The following SERGEF variants were observed in gnomAD, a reference collection of about 807,000 sequenced individuals.
The protein encoded by SERGEF is secretion regulating guanine nucleotide exchange factor.
Under a neutral mutation model 50.0 loss-of-function variants are expected in SERGEF, and 51 were observed. That is an observed-to-expected ratio of 1.02 (90% CI 0.81 to 1.29). SERGEF has a LOEUF of 1.29. SERGEF is among the 50% of genes most tolerant of loss of function. The pLI, the probability that SERGEF is intolerant of heterozygous loss-of-function variation, is 0.00. For missense variants in SERGEF, 521 were observed against 557.0 expected, an observed-to-expected ratio of 0.94 and a Z score of 0.65; for synonymous variants, 205 against 212.4, an observed-to-expected ratio of 0.97 and a Z score of 0.30.
At chr11:17,994,560 T>G (rs1056291437) in intron 6 of SERGEF, among the ~76,000 whole-genome samples, 2 of 151,366 alleles carry the variant, frequency 1.3e-5, no homozygotes, top group Non-Finnish European at 2.9e-5. Context: ...GAGGTAACAG[T>G]TTTCCCATAA....
intron 10 of SERGEF, among the ~76,000 whole-genome samples, chr11:17,792,899 T>C (rs1190309982): frequency 6.6e-6 from 1 of 152,186 alleles, no homozygotes; most frequent in Non-Finnish European, 1.5e-5. Flanking sequence ...TTCTTTTTGA[T>C]AACCCTTTAA....
chr11:17,997,702 A>G (rs1001746422), intron 5 of SERGEF, among the ~76,000 whole-genome samples: 10 of 152,260 alleles, frequency 6.6e-5, no homozygotes, highest in Non-Finnish European at 1.3e-4. Flanking sequence ...TTTAAAAAGT[A>G]TCTAAACGCC....
chr11:17,873,515 G>A (rs1020685998), intron 10 of SERGEF, among the ~76,000 whole-genome samples: 1 of 152,112 alleles, frequency 6.6e-6, no homozygotes, highest in Non-Finnish European at 1.5e-5. Flanking sequence ...ACATGAAATT[G>A]CTTGATGGTT....
At chr11:17,862,867 C>T (rs375377823) in intron 10 of SERGEF, among the ~76,000 whole-genome samples, 3 of 152,316 alleles carry the variant, frequency 2.0e-5, no homozygotes, top group South Asian at 4.2e-4. Context: ...AGTTGCTATG[C>T]TATGGTAGAT....
intron 10 of SERGEF, among the ~76,000 whole-genome samples, chr11:17,860,096 G>A (rs979265552): frequency 3.9e-5 from 6 of 152,202 alleles, no homozygotes; most frequent in Non-Finnish European, 5.9e-5. Flanking sequence ...AGAGTGGCAT[G>A]TGGTGAAAGT....
intron 9 of SERGEF, among the ~76,000 whole-genome samples, chr11:17,928,252 C>T (rs1439312858): frequency 1.3e-5 from 2 of 152,138 alleles, no homozygotes. Context: ...TCCTCACCTA[C>T]AGAACTTCAG....
chr11:17,866,189 G>C (rs1326855597), intron 10 of SERGEF, among the ~76,000 whole-genome samples: 1 of 152,208 alleles, frequency 6.6e-6, no homozygotes, highest in South Asian at 2.1e-4. Context: ...GCACAAGCTA[G>C]ACTTGAGTGC....
At chr11:17,813,965 C>CA (rs1849918843) in intron 10 of SERGEF, among the ~76,000 whole-genome samples, 1 of 152,212 alleles carries the variant, frequency 6.6e-6, no homozygotes, top group Non-Finnish European at 1.5e-5. Context: ...AAGGGACACA[C>CA]AGACCCCACT....
intron 10 of SERGEF, among the ~76,000 whole-genome samples, chr11:17,804,428 G>A (rs1565171942): frequency 1.3e-5 from 2 of 152,146 alleles, no homozygotes; most frequent in African/African-American, 4.8e-5. Context: ...CCATAGTTTG[G>A]GAACCACTGG....
At position 17,830,685 on chromosome 11, in the gene SERGEF, A is replaced by AGAGAGAGAGAGAGAGC. The variant is rs540825238; in HGVS notation, c.1049-42273_1049-42272insGCTCTCTCTCTCTCTC. On this transcript the variant is annotated intron_variant, in intron 10 of 10. Transcript: ENST00000265965. ...GAGAGAGAGAGAGAGAGAGAGAGAG[A>AGAGAGAGAGAGAGAGC]GAGCACATGTACATGCAAGAGTAAG... 6.0e-3 allele frequency among the ~76,000 whole-genome samples: 711 copies of AGAGAGAGAGAGAGAGC among 118,906 alleles called. 76 individuals carry two copies. Among genetic ancestry groups the AGAGAGAGAGAGAGAGC allele is most frequent in the East Asian group, 0.012 (36 of 2,896 alleles). 78.0% of individuals were successfully genotyped at this position (118,906 alleles called of 152,430 possible).
chr11:17,902,313 T>G (rs548589), intron 9 of SERGEF, among the ~76,000 whole-genome samples: 110,051 of 152,138 alleles, frequency 0.72, 41,056 homozygotes, highest in African/African-American at 0.92. Flanking sequence ...CTGCATGATG[T>G]ATGAAAGGAC....
intron 9 of SERGEF, among the ~76,000 whole-genome samples, chr11:17,944,115 G>C (rs1245044631): frequency 6.6e-6 from 1 of 152,046 alleles, no homozygotes; most frequent in Non-Finnish European, 1.5e-5. Context: ...TTTTAGTAGA[G>C]ACGGGGTTTC....
At position 17,793,967 on chromosome 11, in the gene SERGEF, C is replaced by T. The variant is rs1849530803; in HGVS notation, c.1049-5554G>A. On this transcript the variant is annotated intron_variant, in intron 10 of 10. Coordinates refer to ENST00000265965, the MANE Select transcript of SERGEF (RefSeq NM_012139.4). Reference sequence around the variant, plus strand: ...ACACAATACCCAAATCTGTTCAGGTCTGTGGCACCTGCCCGAGCTTCTTGG... The same window carrying T: ...ACACAATACCCAAATCTGTTCAGGTTTGTGGCACCTGCCCGAGCTTCTTGG... Among the ~76,000 whole-genome samples, 7 of 152,336 alleles carry T rather than the reference C, an allele frequency of 4.6e-5. No homozygotes were observed. The South Asian group carries it at 1.4e-3, about 32-fold the overall frequency.
chr11:17,992,040 A>G (rs1436866889), intron 7 of SERGEF, among the ~76,000 whole-genome samples: 1 of 152,214 alleles, frequency 6.6e-6, no homozygotes, highest in Non-Finnish European at 1.5e-5. Context: ...TGTCACTTTC[A>G]AGAAAATGCT....
intron 8 of SERGEF, among the ~76,000 whole-genome samples, chr11:17,960,673 T>A (rs972956601): frequency 6.6e-6 from 1 of 152,250 alleles, no homozygotes; most frequent in Non-Finnish European, 1.5e-5. Flanking sequence ...ATATGGTTTA[T>A]AGTGTCAGCT....
chr11:17,803,248 A>G (rs2133827885), intron 10 of SERGEF, among the ~76,000 whole-genome samples: 1 of 152,356 alleles, frequency 6.6e-6, no homozygotes, highest in Non-Finnish European at 1.5e-5. Flanking sequence ...CTAGAGGTTG[A>G]ACAGACCACC....
At position 17,995,901 on chromosome 11, in the gene SERGEF, T is replaced by G. The variant is rs572283223; in HGVS notation, c.517A>C (p.Ile173Leu). ...AAACCAGTCCCCCACTGGAACACGA[T>G]GCCACTCGCTTCCCAACAGAATGGA... ...RHAVAATASG[I>L]VFQWGTGLAS... The change falls in exon 6 of 11, where the codon ATC becomes CTC. Residue 173 changes from isoleucine (I) to leucine (L), a missense_variant. Ile to Leu is a conservative substitution (Grantham distance 5). Transcript: ENST00000265965. 1.2e-6 allele frequency: 2 copies of G among 1,612,170 alleles called. No individual in the cohort carries two copies. Among genetic ancestry groups the G allele is most frequent in the South Asian group, 2.2e-5 (2 of 90,964 alleles).
intron 10 of SERGEF, among the ~76,000 whole-genome samples, chr11:17,869,151 A>G (rs1565190376): frequency 6.6e-6 from 1 of 152,192 alleles, no homozygotes; most frequent in Non-Finnish European, 1.5e-5. Context: ...AAAGACCATT[A>G]TACTCTGGAG....
intron 8 of SERGEF, among the ~76,000 whole-genome samples, chr11:17,987,527 C>A (rs183126968): frequency 1.3e-5 from 2 of 152,340 alleles, no homozygotes; most frequent in African/African-American, 4.8e-5. Context: ...TAATGAATGA[C>A]ACACTTTGCT....
Sources: allele counts gnomAD v4.1 joint callset (sites outside exome capture counted in the v4.1 genomes callset), GRCh38; gene constraint gnomAD v4.1.1; transcripts MANE v1.5; gene names NCBI Gene and HGNC (gene_info 2026-07-23, HGNC 2026-07-21).